ADGRL2: variants seen among roughly 807,000 people sequenced by gnomAD.
The protein encoded by ADGRL2 is adhesion G protein-coupled receptor L2.
In ADGRL2, 44 loss-of-function variants were observed where a neutral mutation model predicts 157.4. That is an observed-to-expected ratio of 0.28 (90% confidence interval 0.22 to 0.36). ADGRL2 has a LOEUF of 0.36. Ranked by LOEUF, ADGRL2 falls within the 10% of genes least tolerant of loss-of-function variation. ADGRL2 has a pLI of 1.00. For missense variants in ADGRL2, 1,510 were observed against 1,768.9 expected (o/e 0.85, Z 2.63); for synonymous variants, 585 against 624.7 (o/e 0.94, Z 0.95).
intron 11 of ADGRL2, among the ~76,000 whole-genome samples, chr1:81,957,418 G>T (rs573703655): frequency 8.5e-4 from 129 of 152,168 alleles, no homozygotes; most frequent in South Asian, 1.2e-3. Flanking sequence ...ATTATTTTTC[G>T]CTGGGCACAG....
intron 1 of ADGRL2, among the ~76,000 whole-genome samples, chr1:81,324,128 T>C (rs1660720932): frequency 6.6e-6 from 1 of 151,376 alleles, no homozygotes; most frequent in Non-Finnish European, 1.5e-5. Context: ...TTTAAGAGGC[T>C]ATTGTAGTGG....
intron 3 of ADGRL2, among the ~76,000 whole-genome samples, chr1:81,586,882 T>A (rs754172760): frequency 1.3e-5 from 2 of 152,088 alleles, no homozygotes; most frequent in African/African-American, 2.4e-5. Flanking sequence ...CCTCCTTTGT[T>A]ACAAATCACA....
intron 2 of ADGRL2, among the ~76,000 whole-genome samples, chr1:81,549,564 C>T (rs543462361): frequency 1.9e-4 from 29 of 152,282 alleles, no homozygotes; most frequent in South Asian, 8.3e-4. Flanking sequence ...CTTCAATACT[C>T]TCATTAGATA....
At chr1:81,344,632 C>CTCCA (rs1262811538) in intron 1 of ADGRL2, among the ~76,000 whole-genome samples, 2 of 141,898 alleles carry the variant, frequency 1.4e-5, no homozygotes, top group South Asian at 2.2e-4. Flanking sequence ...TGCCATTGCA[C>CTCCA]TCCAGCCTGG....
At chr1:81,515,203 G>C (rs2079152116) in intron 2 of ADGRL2, 1 of 152,156 alleles carries the variant, frequency 6.6e-6, no homozygotes, top group Admixed American at 6.5e-5. Context: ...ATACTGGGAG[G>C]AGGAAAGGCA....
intron 2 of ADGRL2, among the ~76,000 whole-genome samples, chr1:81,532,860 G>C (rs966136348): frequency 2.6e-5 from 4 of 151,870 alleles, no homozygotes; most frequent in African/African-American, 9.7e-5. Flanking sequence ...ATCAAGGAAG[G>C]CCACAGTGAA....
chr1:81,342,116 T>A (rs1662117660), intron 1 of ADGRL2, among the ~76,000 whole-genome samples: 1 of 152,148 alleles, frequency 6.6e-6, no homozygotes, highest in Non-Finnish European at 1.5e-5. Flanking sequence ...GCTATAGGGC[T>A]AGAATTATAA....
intron 2 of ADGRL2, among the ~76,000 whole-genome samples, chr1:81,874,968 A>G (rs1169645876): frequency 4.6e-5 from 7 of 152,008 alleles, no homozygotes; most frequent in African/African-American, 7.2e-5. Flanking sequence ...CAGCCTCCCA[A>G]TGTGCTGGGA....
At chr1:81,338,793 A>C (rs555999904) in intron 1 of ADGRL2, among the ~76,000 whole-genome samples, 1 of 152,240 alleles carries the variant, frequency 6.6e-6, no homozygotes, top group African/African-American at 2.4e-5. Flanking sequence ...CAACCCAGAA[A>C]CTGAACCCGG....
At chr1:81,779,977 T>A (rs556001074) in intron 2 of ADGRL2, among the ~76,000 whole-genome samples, 6 of 152,328 alleles carry the variant, frequency 3.9e-5, no homozygotes, top group African/African-American at 1.2e-4. Flanking sequence ...CACTAAGATA[T>A]GTTGCAGCTC....
chr1:81,472,874 G>A (rs1320160978), intron 2 of ADGRL2, among the ~76,000 whole-genome samples: 2 of 152,212 alleles, frequency 1.3e-5, no homozygotes, highest in East Asian at 3.9e-4. Context: ...TTTTACATAA[G>A]ATGATAATTT....
chr1:81,892,924 A>T (rs1334293528), intron 2 of ADGRL2, among the ~76,000 whole-genome samples: 1 of 152,202 alleles, frequency 6.6e-6, no homozygotes, highest in Non-Finnish European at 1.5e-5. Flanking sequence ...TTTGTAAAAC[A>T]TTTGAGTATT....
chr1:81,850,933 A>C (rs191221339), intron 2 of ADGRL2, among the ~76,000 whole-genome samples: 1 of 152,020 alleles, frequency 6.6e-6, no homozygotes, highest in African/African-American at 2.4e-5. Context: ...AGGCATTCAA[A>C]ACTATTTTAA....
rs190946922 is a variant in ADGRL2 at position 81,647,634 on chromosome 1, A to T, written c.-143+66654A>T. Among the ~76,000 whole-genome samples the T allele has an allele frequency of 6.9e-4, 105 of 152,306 alleles. 1 individual carries two copies. The highest frequency in any genetic ancestry group is 2.3e-3 in the African/African-American group (95 of 41,556). On this transcript the variant is annotated intron_variant, in intron 3 of 24. Coordinates refer to the ADGRL2 transcript ENST00000370721. ...TCCTCAAGGTATCCCAAAAATCTAA[A>T]ACATTTCTGGTCCCAAGCATTTCAG...
intron 1 of ADGRL2, among the ~76,000 whole-genome samples, chr1:81,356,667 T>C (rs7523681): frequency 0.71 from 107,494 of 151,910 alleles, 38,303 homozygotes; most frequent in East Asian, 0.91. Flanking sequence ...AAGAAGTTTC[T>C]TTTTGGCTGG....
At chr1:81,424,563 C>T (rs2077178665) in intron 1 of ADGRL2, among the ~76,000 whole-genome samples, 2 of 152,168 alleles carry the variant, frequency 1.3e-5, no homozygotes, top group Admixed American at 6.5e-5. Context: ...AAAATAACTG[C>T]CTCTATCATT....
intron 3 of ADGRL2, among the ~76,000 whole-genome samples, chr1:81,911,899 G>T (rs2094732672): frequency 6.8e-6 from 1 of 147,156 alleles, no homozygotes; most frequent in Non-Finnish European, 1.5e-5. Flanking sequence ...TTTTTTGCGG[G>T]GGGATGGATT....
chr1:81,720,363 T>C (rs1570951274), intron 1 of ADGRL2, among the ~76,000 whole-genome samples: 1 of 151,952 alleles, frequency 6.6e-6, no homozygotes, highest in East Asian at 1.9e-4. Flanking sequence ...AGTGACGGGG[T>C]TTCACCATGT....
chr1:81,437,890 T>G (rs2101656223), intron 1 of ADGRL2, among the ~76,000 whole-genome samples: 1 of 152,266 alleles, frequency 6.6e-6, no homozygotes, highest in African/African-American at 2.4e-5. Context: ...GTATTTGAAA[T>G]CAGAAACTTG....
Sources: gnomAD v4.1 joint callset for allele counts (sites outside exome capture counted in the v4.1 genomes callset) on GRCh38, gnomAD v4.1.1 for gene constraint, MANE v1.5 for transcripts, NCBI Gene and HGNC (gene_info 2026-07-23, HGNC 2026-07-21) for gene names.